The following PRKCE variants were observed in gnomAD, a reference collection of about 807,000 sequenced individuals.
The protein encoded by PRKCE is protein kinase C epsilon.
PRKCE carries 16 observed loss-of-function variants against 85.4 expected under a neutral mutation model. The ratio of observed to expected loss-of-function variants is 0.19; its 90% CI spans 0.13 to 0.28. The LOEUF (loss-of-function observed/expected upper bound fraction) is 0.28. PRKCE is among the 10% of genes least tolerant of loss of function. PRKCE has a pLI of 1.00. For synonymous variants in PRKCE, 388 were observed against 371.5 expected (o/e 1.04, Z -0.51); for missense variants, 573 against 975.2 (o/e 0.59, Z 5.49).
chr2:46,131,285 C>G (rs1674422634), intron 11 of PRKCE, among the ~76,000 whole-genome samples: 1 of 152,150 alleles, frequency 6.6e-6, no homozygotes, highest in Non-Finnish European at 1.5e-5. Context: ...ACTCTTCCTG[C>G]CAGGATTTGA....
At chr2:45,884,669 G>A (rs575951528) in intron 2 of PRKCE, among the ~76,000 whole-genome samples, 1 of 152,202 alleles carries the variant, frequency 6.6e-6, no homozygotes, top group Admixed American at 6.5e-5. Context: ...AGTCAACAAT[G>A]AGCTCTTTAG....
intron 10 of PRKCE, among the ~76,000 whole-genome samples, chr2:46,061,104 C>CTTTTTTTTTTTTTTTTTT (rs565280374): frequency 4.8e-5 from 5 of 103,488 alleles, no homozygotes; most frequent in African/African-American, 8.0e-5. Context: ...CTTTTTTTTC[C>CTTTTTTTTTTTTTTTTTT]TTTTTTTTTT....
At chr2:45,751,066 GACC>G (rs1234137022) in intron 1 of PRKCE, among the ~76,000 whole-genome samples, 7 of 152,178 alleles carry the variant, frequency 4.6e-5, no homozygotes, top group African/African-American at 1.4e-4. Flanking sequence ...TACCGCTCTG[GACC>G]ACCTTTGGTT....
At chr2:45,865,240 C>A (rs1354079899) in intron 2 of PRKCE, among the ~76,000 whole-genome samples, 1 of 152,142 alleles carries the variant, frequency 6.6e-6, no homozygotes, top group Non-Finnish European at 1.5e-5. Context: ...TCTCAACCCT[C>A]TTTAATCAAT....
At chr2:46,084,996 C>A (rs1669453217) in intron 10 of PRKCE, among the ~76,000 whole-genome samples, 1 of 152,160 alleles carries the variant, frequency 6.6e-6, no homozygotes, top group African/African-American at 2.4e-5. Context: ...ATGCATTCGA[C>A]TCTTATTTTG....
intron 12 of PRKCE, among the ~76,000 whole-genome samples, chr2:46,150,221 A>G (rs1193788401): frequency 6.6e-6 from 1 of 152,158 alleles, no homozygotes; most frequent in Non-Finnish European, 1.5e-5. Context: ...GACTCTACAT[A>G]TTTGGCTAGA....
chr2:46,182,360 G>A (rs893772528), intron 14 of PRKCE, among the ~76,000 whole-genome samples: 3 of 152,302 alleles, frequency 2.0e-5, no homozygotes, highest in African/African-American at 7.2e-5. Flanking sequence ...GATGGTCTTT[G>A]TTGTTTCCCT....
chr2:45,885,689 A>G lies in PRKCE; in HGVS notation c.412+42626A>G, dbSNP rs146439393. Among the ~76,000 whole-genome samples the G allele has an allele frequency of 4.0e-3, 615 of 152,338 alleles. 3 individuals carry two copies. The highest frequency in any genetic ancestry group is 0.012 in the African/African-American group (515 of 41,570). On this transcript the variant is annotated intron_variant, in intron 2 of 14. Coordinates refer to ENST00000306156, the MANE Select transcript of PRKCE (RefSeq NM_005400.3). ...TAGGATTTAGTTCTCTAGCCAAAGC[A>G]AACACTTCATCCTAAAGTGAATTTT... is the stretch of plus-strand genomic sequence containing the variant.
In PRKCE at chr2:46,145,049, G is replaced by A. The variant is rs774742606; in HGVS notation, c.1593-44G>A. ...CCTCCAACTCAGGAAGACTATATTG[G>A]GGTGAGTGACGTATTGACATTATGG... On this transcript the variant is annotated intron_variant, in intron 11 of 14. Coordinates refer to ENST00000306156, the MANE Select transcript of PRKCE (RefSeq NM_005400.3). The surrounding 1 kb of genome is among the most constrained non-coding windows in gnomAD (Gnocchi z 4.6). 4 of 1,598,402 alleles carry A rather than the reference G, an allele frequency of 2.5e-6. No individual in the cohort carries two copies. In the African/African-American group the frequency reaches 4.0e-5, roughly 16 times the overall value.
At position 45,661,146 on chromosome 2, in the gene PRKCE, A is replaced by G. The variant is rs193224528; in HGVS notation, c.348+8698A>G. ...TAGACTCACTGAGCTCCTGACCCCA[A>G]GAGATAGATAAGACTAAAAATGTAA... On this transcript the variant is annotated intron_variant, in intron 1 of 14. Coordinates refer to ENST00000306156, the MANE Select transcript of PRKCE (RefSeq NM_005400.3). Among the ~76,000 whole-genome samples, 144 of 152,322 alleles carry G rather than the reference A, an allele frequency of 9.5e-4. 2 individuals are homozygous for G. In the South Asian group the frequency reaches 0.017, roughly 18 times the overall value.
At chr2:45,879,539 G>A (rs1694727960) in intron 2 of PRKCE, among the ~76,000 whole-genome samples, 1 of 152,240 alleles carries the variant, frequency 6.6e-6, no homozygotes, top group Admixed American at 6.5e-5. Context: ...AGCACTGCCT[G>A]TAACACATGA....
chr2:46,002,325 G>A (rs1013499422), intron 7 of PRKCE, among the ~76,000 whole-genome samples: 1 of 152,228 alleles, frequency 6.6e-6, no homozygotes, highest in African/African-American at 2.4e-5. Context: ...GCAGTGGGGC[G>A]TGGCCCTCAT....
Position 46,001,303 on chromosome 2 carries a change from A to C in PRKCE, c.824-101A>C. On this transcript the variant is annotated intron_variant, in intron 6 of 14. Coordinates refer to ENST00000306156, the MANE Select transcript of PRKCE (RefSeq NM_005400.3). This position sits in a 1 kb window ranked among gnomAD's most constrained non-coding sequence, Gnocchi z 4.4. ...TATTTTCCAAATTATATCTTAAATG[A>C]ACATGTAATACTTCATGAACATATA... is the stretch of plus-strand genomic sequence containing the variant. 9.4e-7 allele frequency: 1 copy of C among 1,060,852 alleles called. No homozygotes were observed. Among genetic ancestry groups the C allele is most frequent in the Non-Finnish European group, 1.2e-6 (1 of 801,234 alleles). 65.7% of individuals were successfully genotyped at this position (1,060,852 alleles called of 1,614,324 possible).
chr2:45,803,947 C>A (rs1184034897), intron 1 of PRKCE, among the ~76,000 whole-genome samples: 1 of 152,170 alleles, frequency 6.6e-6, no homozygotes, highest in African/African-American at 2.4e-5. Context: ...CAGGATCCTC[C>A]GGTCCTTATC....
chr2:45,660,295 T>C (rs1055131135), intron 1 of PRKCE, among the ~76,000 whole-genome samples: 2 of 152,198 alleles, frequency 1.3e-5, no homozygotes, highest in Admixed American at 6.5e-5. Context: ...TATTTTATTT[T>C]ATAAAAATCT....
chr2:45,831,274 C>T (rs1417018976), intron 1 of PRKCE, among the ~76,000 whole-genome samples: 7 of 152,138 alleles, frequency 4.6e-5, no homozygotes, highest in Non-Finnish European at 5.9e-5. Flanking sequence ...TAAGGAAAGA[C>T]GATTAGTTTT....
Position 45,744,496 on chromosome 2 carries a change from TTTC to T in PRKCE, c.348+92051_348+92053del, listed in dbSNP as rs1286766233. ...TTCTTTCTTTCTTTCTTTTTCTTTCTTTCTTTTCTTTCTTTCTTTCTTTCTTTC... is the reference window on the plus strand; with the variant it reads ...TTCTTTCTTTCTTTCTTTTTCTTTCTTTTTCTTTCTTTCTTTCTTTCTTTC... On this transcript the variant is annotated intron_variant, in intron 1 of 14. Transcript: ENST00000306156. Among the ~76,000 whole-genome samples, 405 of 86,218 alleles carry T rather than the reference TTTC, an allele frequency of 4.7e-3. 7 individuals carry two copies. Among genetic ancestry groups the T allele is most frequent in the Non-Finnish European group, 5.6e-3 (263 of 46,594 alleles). 56.6% of individuals were successfully genotyped at this position (86,218 alleles called of 152,430 possible).
At chr2:45,870,365 C>T (rs1476458585) in intron 2 of PRKCE, among the ~76,000 whole-genome samples, 2 of 151,738 alleles carry the variant, frequency 1.3e-5, no homozygotes, top group African/African-American at 4.8e-5. Context: ...ATTAGCAGCA[C>T]GCTCCAGTGT....
At chr2:45,753,822 C>G (rs1683781313) in intron 1 of PRKCE, among the ~76,000 whole-genome samples, 1 of 152,158 alleles carries the variant, frequency 6.6e-6, no homozygotes, top group Non-Finnish European at 1.5e-5. Context: ...ACATTCCCCT[C>G]CAGGCATCCT....
Sources: allele counts gnomAD v4.1 joint callset (sites outside exome capture counted in the v4.1 genomes callset), GRCh38; gene constraint gnomAD v4.1.1; non-coding constraint Gnocchi (gnomAD v3.1); transcripts MANE v1.5; gene names NCBI Gene and HGNC (gene_info 2026-07-23, HGNC 2026-07-21).